Variants in EYA1 observed in about 807,000 individuals in gnomAD.
EYA1 encodes the protein EYA transcriptional coactivator and phosphatase 1.
EYA1 carries 16 observed loss-of-function variants against 82.0 expected under a neutral mutation model. That is an observed-to-expected ratio of 0.20 (90% CI 0.13 to 0.30). The LOEUF (loss-of-function observed/expected upper bound fraction) is 0.30, where lower values mean the gene tolerates loss of function less well. EYA1 is among the 10% of genes least tolerant of loss of function. The pLI is 1.00. For synonymous variants in EYA1, 261 were observed against 264.4 expected (o/e 0.99, Z 0.12); for missense variants, 633 against 730.7 (o/e 0.87, Z 1.54).
intron 2 of EYA1, chr8:71,470,932 CT>C: frequency 1.3e-5 from 6 of 446,646 alleles, no homozygotes; most frequent in East Asian, 7.1e-5. Context: ...TGCCAATGGG[CT>C]TTAAAAAAAA....
chr8:71,320,681 ATATTT>A (rs1489943924), intron 6 of EYA1, among the ~76,000 whole-genome samples: 2 of 152,174 alleles, frequency 1.3e-5, no homozygotes, highest in Non-Finnish European at 2.9e-5. Context: ...TTATTTGTAT[ATATTT>A]TATAAGAAAT....
intron 4 of EYA1, among the ~76,000 whole-genome samples, chr8:71,325,717 C>G (rs1823073861): frequency 6.6e-6 from 1 of 152,192 alleles, no homozygotes; most frequent in African/African-American, 2.4e-5. Context: ...TGTCTTATAA[C>G]TACTCACCTA....
chr8:71,360,819 G>T (rs781427965), intron 1 of EYA1, among the ~76,000 whole-genome samples: 1 of 152,122 alleles, frequency 6.6e-6, no homozygotes, highest in Non-Finnish European at 1.5e-5. Context: ...AAACAAAAAC[G>T]TTTGCCTAAA....
intron 2 of EYA1, among the ~76,000 whole-genome samples, chr8:71,378,908 A>T (rs993092432): frequency 2.0e-5 from 3 of 152,214 alleles, no homozygotes; most frequent in African/African-American, 7.2e-5. Context: ...TTTATTTTGT[A>T]AAAAATAACC....
intron 12 of EYA1, among the ~76,000 whole-genome samples, chr8:71,236,356 T>C (rs1156703547): frequency 1.3e-5 from 2 of 152,176 alleles, no homozygotes; most frequent in East Asian, 1.9e-4. Context: ...TTTTTAAATA[T>C]GCCATACATG....
intron 4 of EYA1, among the ~76,000 whole-genome samples, chr8:71,325,206 T>C (rs1458985043): frequency 6.6e-6 from 1 of 152,214 alleles, no homozygotes; most frequent in African/African-American, 2.4e-5. Flanking sequence ...CTGATTTGGT[T>C]GTTGTTCACA....
chr8:71,254,753 C>T (rs180715555), intron 11 of EYA1, among the ~76,000 whole-genome samples: 227 of 152,132 alleles, frequency 1.5e-3, no homozygotes, highest in African/African-American at 5.1e-3. Context: ...AAATAAAAGG[C>T]GTCAAAGTTG....
chr8:71,322,149 A>G (rs775217502), intron 5 of EYA1, 50 bp downstream of exon 5: 2 of 1,462,988 alleles, frequency 1.4e-6, no homozygotes, highest in Admixed American at 3.3e-5. Context: ...TAAATAAATA[A>G]AAGTCTACTC....
intron 11 of EYA1, among the ~76,000 whole-genome samples, chr8:71,256,365 A>G (rs1267369308): frequency 6.6e-6 from 1 of 152,242 alleles, no homozygotes; most frequent in Non-Finnish European, 1.5e-5. Context: ...ACAGAATATT[A>G]TGTAACCTTA....
intron 2 of EYA1, among the ~76,000 whole-genome samples, chr8:71,386,712 T>A (rs1280527198): frequency 6.6e-6 from 1 of 152,152 alleles, no homozygotes; most frequent in East Asian, 1.9e-4. Flanking sequence ...CAGGATGATA[T>A]AAACGTAATT....
Position 71,474,037 on chromosome 8 carries a change from C to T in EYA1, c.33+61707G>A, listed in dbSNP as rs181576229. Among the ~76,000 whole-genome samples the T allele has an allele frequency of 4.6e-3, 698 of 151,664 alleles. 7 individuals are homozygous for T. The highest frequency in any genetic ancestry group is 0.016 in the African/African-American group (673 of 41,332). On this transcript the variant is annotated intron_variant, in intron 2 of 18. Transcript: ENST00000643681. ...ACACAGGGAGGGGAACATCACATAC[C>T]GGGGCCTGTTATTGGGGGGTGCATA... is the stretch of plus-strand genomic sequence containing the variant.
intron 2 of EYA1, among the ~76,000 whole-genome samples, chr8:71,384,995 T>G (rs1354206745): frequency 1.3e-5 from 2 of 152,122 alleles, no homozygotes; most frequent in African/African-American, 4.8e-5. Flanking sequence ...TATTAAAATA[T>G]AATCCAGGAT....
chr8:71,321,957 C>G, intron 5 of EYA1, 78 bp from the exon 6 acceptor site: 1 of 1,567,766 alleles, frequency 6.4e-7, no homozygotes, highest in Non-Finnish European at 8.8e-7. Flanking sequence ...AACCACATCA[C>G]AAATTCCAGC....
intron 2 of EYA1, among the ~76,000 whole-genome samples, chr8:71,413,026 A>G (rs1338141773): frequency 6.6e-6 from 1 of 152,186 alleles, no homozygotes; most frequent in East Asian, 1.9e-4. Context: ...AGAAAGCAGA[A>G]TCACTGTCCA....
chr8:71,484,758 G>C (rs1000910901), intron 2 of EYA1, among the ~76,000 whole-genome samples: 15 of 152,214 alleles, frequency 9.9e-5, no homozygotes, highest in Non-Finnish European at 1.5e-4. Context: ...GTCCCAGGGA[G>C]CTATTCCACT....
chr8:71,321,537 C>T (rs150206790), intron 6 of EYA1, among the ~76,000 whole-genome samples, 197 bp downstream of exon 6: 18 of 152,318 alleles, frequency 1.2e-4, no homozygotes, highest in African/African-American at 2.2e-4. Context: ...ATAATCTTTT[C>T]GCTACCTCTG....
chr8:71,513,880 C>T (rs116372651), intron 2 of EYA1, among the ~76,000 whole-genome samples: 3,107 of 152,170 alleles, frequency 0.02, 103 homozygotes, highest in African/African-American at 0.072. Context: ...TTTCACTTAA[C>T]ATAATGATCT....
At chr8:71,300,069 T>A (rs537503936) in intron 7 of EYA1, among the ~76,000 whole-genome samples, 2 of 152,124 alleles carry the variant, frequency 1.3e-5, no homozygotes, top group Non-Finnish European at 2.9e-5. Context: ...AATGATGGGG[T>A]CAGATTAGAT....
At chr8:71,333,753 C>T (rs1392182108) in intron 4 of EYA1, among the ~76,000 whole-genome samples, 1 of 152,120 alleles carries the variant, frequency 6.6e-6, no homozygotes, top group East Asian at 1.9e-4. Flanking sequence ...TTTGCCTAAC[C>T]AAATTTGAAG....
Sources: allele counts gnomAD v4.1 joint callset (sites outside exome capture counted in the v4.1 genomes callset), GRCh38; gene constraint gnomAD v4.1.1; transcripts MANE v1.5; gene names NCBI Gene and HGNC (gene_info 2026-07-23, HGNC 2026-07-21).